EBAG9: variants seen among roughly 807,000 people sequenced by gnomAD.
The protein encoded by EBAG9 is estrogen receptor binding site associated antigen 9.
Under a neutral mutation model 30.9 loss-of-function variants are expected in EBAG9, and 16 were observed. That is an observed-to-expected ratio of 0.52 (90% CI 0.35 to 0.79). EBAG9 has a LOEUF of 0.79. EBAG9 is among the 30% of genes least tolerant of loss of function. The probability of loss-of-function intolerance (pLI) is 0.01; values close to 1 mark genes in which losing one functional copy is unlikely to be tolerated. For missense variants in EBAG9, 197 were observed against 242.1 expected (o/e 0.81, Z 1.24); for synonymous variants, 93 against 82.8 (o/e 1.12, Z -0.67).
intron 1 of EBAG9, among the ~76,000 whole-genome samples, chr8:109,545,760 T>C (rs1327785060): frequency 6.6e-6 from 1 of 152,216 alleles, no homozygotes; most frequent in African/African-American, 2.4e-5. Context: ...TATCTTGTTA[T>C]TTAATCATAG....
At chr8:109,542,802 G>C (rs1821303440) in intron 1 of EBAG9, among the ~76,000 whole-genome samples, 1 of 151,966 alleles carries the variant, frequency 6.6e-6, no homozygotes, top group African/African-American at 2.4e-5. Flanking sequence ...CTCTAGAGAA[G>C]GGTTGTACAG....
At chr8:109,546,664 T>G (rs1204594282) in intron 1 of EBAG9, among the ~76,000 whole-genome samples, 1 of 152,174 alleles carries the variant, frequency 6.6e-6, no homozygotes, top group African/African-American at 2.4e-5. Context: ...CTCTGGTTAG[T>G]GTTAGTGTAT....
At chr8:109,560,790 GA>G in intron 5 of EBAG9, 47 bp from the exon 6 acceptor site, 1 of 1,362,000 alleles carries the variant, frequency 7.3e-7, no homozygotes, top group Non-Finnish European at 1.0e-6. Context: ...GCTATGTGGA[GA>G]AAGGATGGCT....
intron 1 of EBAG9, among the ~76,000 whole-genome samples, chr8:109,549,653 G>A (rs901804552): frequency 2.0e-5 from 3 of 152,024 alleles, no homozygotes; most frequent in Non-Finnish European, 4.4e-5. Flanking sequence ...CAGGCACAAA[G>A]GTGTTTGTAA....
chr8:109,561,671 AT>A (rs35834736), intron 6 of EBAG9, among the ~76,000 whole-genome samples: 18,743 of 152,022 alleles, frequency 0.12, 1,286 homozygotes, highest in South Asian at 0.28. Flanking sequence ...AGCAATATAA[AT>A]TTTTTTATTT....
intron 4 of EBAG9, among the ~76,000 whole-genome samples, chr8:109,556,199 C>T (rs571013559): frequency 6.6e-6 from 1 of 152,140 alleles, no homozygotes; most frequent in South Asian, 2.1e-4. Flanking sequence ...CACATACACA[C>T]TTCATAAAAA....
At chr8:109,563,309 G>T in intron 6 of EBAG9, 1 of 1,451,444 alleles carries the variant, frequency 6.9e-7, no homozygotes. Flanking sequence ...ATAACCTAAT[G>T]TTGCCTATTC....
chr8:109,550,176 C>T (rs907138293), intron 1 of EBAG9: 1 of 151,994 alleles, frequency 6.6e-6, no homozygotes, highest in African/African-American at 2.4e-5. Context: ...TAGTTTTTAT[C>T]TCCCTGCTTG....
chr8:109,558,151 G>C (rs1398704384), intron 5 of EBAG9, among the ~76,000 whole-genome samples: 5 of 152,124 alleles, frequency 3.3e-5, no homozygotes. Flanking sequence ...TTATTTGTTT[G>C]TTTAAACTGC....
intron 6 of EBAG9, chr8:109,563,575 CT>C: frequency 6.8e-7 from 1 of 1,466,692 alleles, no homozygotes; most frequent in Non-Finnish European, 9.0e-7. Flanking sequence ...ATACCTACCA[CT>C]CTTTTTTTTT....
chr8:109,541,416 T>C (rs941801404), intron 1 of EBAG9, among the ~76,000 whole-genome samples: 1 of 152,162 alleles, frequency 6.6e-6, no homozygotes, highest in Non-Finnish European at 1.5e-5. Flanking sequence ...CTTTAAATCC[T>C]GGGTAAGTGA....
In EBAG9 at chr8:109,565,812, A is replaced by G. The variant is rs1025682492; in HGVS notation, c.*1253A>G. 14 of 152,146 alleles carry G rather than the reference A, an allele frequency of 9.2e-5. No individual in the cohort carries two copies. Among genetic ancestry groups the G allele is most frequent in the Admixed American group, 2.6e-4 (4 of 15,278 alleles). 9.4% of individuals were successfully genotyped at this position (152,146 alleles called of 1,614,324 possible). A position where few individuals can be genotyped will look rare whatever the true frequency, so the allele number is the denominator to read the frequency against. On this transcript the variant is annotated 3_prime_UTR_variant, in exon 7 of 7. Coordinates refer to ENST00000337573, the MANE Select transcript of EBAG9 (RefSeq NM_004215.5). ...TTTATTTTACTTAAAGTGATATTTT[A>G]TAGAAAAATCATAAGTTATACAATG... is the stretch of plus-strand genomic sequence containing the variant.
At chr8:109,542,818 A>T (rs1204100628) in intron 1 of EBAG9, among the ~76,000 whole-genome samples, 1 of 152,206 alleles carries the variant, frequency 6.6e-6, no homozygotes, top group Non-Finnish European at 1.5e-5. Flanking sequence ...TACAGGGCAA[A>T]GTAAGGTATA....
chr8:109,554,643 G>C (rs1378768517), intron 3 of EBAG9, 86 bp from the exon 4 acceptor site: 5 of 1,382,370 alleles, frequency 3.6e-6, no homozygotes, highest in Non-Finnish European at 4.9e-6. Context: ...CAGTGTTTTA[G>C]AAAGCCCATT....
At chr8:109,543,569 CAGAT>C (rs1354485247) in intron 1 of EBAG9, among the ~76,000 whole-genome samples, 4 of 152,146 alleles carry the variant, frequency 2.6e-5, no homozygotes, top group Non-Finnish European at 5.9e-5. Context: ...TGTTACTACT[CAGAT>C]TGAGATATTA....
intron 2 of EBAG9, among the ~76,000 whole-genome samples, chr8:109,552,908 C>A (rs114322542): frequency 1.3e-5 from 2 of 152,056 alleles, no homozygotes; most frequent in African/African-American, 2.4e-5. Flanking sequence ...CCAGCCTGGG[C>A]AACACAGCAG....
chr8:109,546,070 T>C (rs1214072489), intron 1 of EBAG9, among the ~76,000 whole-genome samples: 2 of 152,258 alleles, frequency 1.3e-5, no homozygotes, highest in Non-Finnish European at 2.9e-5. Context: ...ATTTCTGTTT[T>C]TAGAGAAGTT....
At chr8:109,553,784 C>A in intron 2 of EBAG9, 81 bp from the exon 3 acceptor site, 1 of 1,019,362 alleles carries the variant, frequency 9.8e-7, no homozygotes, top group African/African-American at 1.7e-5. Context: ...TTTTATAAGC[C>A]TTCAATTACC....
At chr8:109,555,540 C>G (rs1821581703) in intron 4 of EBAG9, among the ~76,000 whole-genome samples, 1 of 152,118 alleles carries the variant, frequency 6.6e-6, no homozygotes, top group Non-Finnish European at 1.5e-5. Context: ...AGATTCTAGA[C>G]TCCAGTCTCT....
Sources: gnomAD v4.1 joint callset for allele counts (sites outside exome capture counted in the v4.1 genomes callset) on GRCh38, gnomAD v4.1.1 for gene constraint, MANE v1.5 for transcripts, NCBI Gene and HGNC (gene_info 2026-07-23, HGNC 2026-07-21) for gene names.